The following ELAVL3 variants were observed in gnomAD, a reference collection of about 807,000 sequenced individuals.
ELAVL3 encodes the protein ELAV-like protein 3.
In ELAVL3, 8 loss-of-function variants were observed where a neutral mutation model predicts 34.2. The observed-to-expected ratio is 0.23, with a 90% CI of 0.14 to 0.42. The LOEUF (loss-of-function observed/expected upper bound fraction) is 0.42. Among genes scored for constraint, ELAVL3 ranks in the 10% least tolerant of loss-of-function variants. The pLI is 1.00. For missense variants in ELAVL3, 273 were observed against 518.8 expected, an observed-to-expected ratio of 0.53 and a Z score of 4.60; for synonymous variants, 209 against 222.1, an observed-to-expected ratio of 0.94 and a Z score of 0.53.
At chr19:11,455,060 G>A (rs911500839) in intron 6 of ELAVL3, among the ~76,000 whole-genome samples, 183 bp from the exon 7 acceptor site, 1 of 150,338 alleles carries the variant, frequency 6.7e-6, no homozygotes, top group Non-Finnish European at 1.5e-5. Context: ...GTGCAGTGGT[G>A]CAATCATGGC....
chr19:11,474,145 A>G (rs1305285281), intron 1 of ELAVL3, among the ~76,000 whole-genome samples: 2 of 151,932 alleles, frequency 1.3e-5, no homozygotes, highest in Non-Finnish European at 2.9e-5. Flanking sequence ...TGATTCTTAC[A>G]CCTCAGCCTC....
chr19:11,455,266 C>A (rs1329125716), intron 6 of ELAVL3, among the ~76,000 whole-genome samples: 1 of 150,920 alleles, frequency 6.6e-6, no homozygotes, highest in African/African-American at 2.4e-5. Context: ...TCCCAAGTAG[C>A]TGGGACTACA....
chr19:11,471,243 G>A (rs1971157043), intron 1 of ELAVL3, among the ~76,000 whole-genome samples: 1 of 151,750 alleles, frequency 6.6e-6, no homozygotes, highest in African/African-American at 2.4e-5. Context: ...CAGGGAGGTG[G>A]AGGTTGCAGT....
rs1599526449 is a variant in ELAVL3, at chr19:11,454,974, A to C, written c.753-97T>G. 1 of 1,355,526 alleles carries C rather than the reference A, an allele frequency of 7.4e-7. No homozygotes were observed. The highest frequency in any genetic ancestry group is 1.0e-6 in the Non-Finnish European group (1 of 1,000,898). 84.0% of individuals were successfully genotyped at this position (1,355,526 alleles called of 1,614,324 possible). On this transcript the variant is annotated intron_variant, in intron 6 of 6. Transcript: ENST00000359227. This position sits in a 1 kb window ranked among gnomAD's most constrained non-coding sequence, Gnocchi z 9.2. ...CTTTATGACCCCTGACTGTGCCATG[A>C]CCTTGGAATGGTGTGACCCCTGCAA... is the stretch of plus-strand genomic sequence containing the variant.
intron 3 of ELAVL3, among the ~76,000 whole-genome samples, chr19:11,462,695 C>T (rs755514008): frequency 4.0e-5 from 6 of 151,608 alleles, no homozygotes; most frequent in Admixed American, 2.0e-4. Context: ...CGGTGGCTCA[C>T]GCCTGTAATC....
chr19:11,466,489 G>C lies in ELAVL3; in HGVS notation c.229+119C>G, dbSNP rs569934043. On this transcript the variant is annotated intron_variant, in intron 2 of 6. Coordinates refer to ENST00000359227, the MANE Select transcript of ELAVL3 (RefSeq NM_001420.4). This position sits in a 1 kb window ranked among gnomAD's most constrained non-coding sequence, Gnocchi z 5.0. ...CTCCCCATCAGACCTCACATCCCTAGACCACCTCCTGCCTCGATTACCCCC... is the reference window on the plus strand; with the variant it reads ...CTCCCCATCAGACCTCACATCCCTACACCACCTCCTGCCTCGATTACCCCC... 2.2e-5 allele frequency: 27 copies of C among 1,236,064 alleles called. No homozygotes were observed. In the South Asian group the frequency reaches 3.1e-4, roughly 14 times the overall value. 76.6% of individuals were successfully genotyped at this position (1,236,064 alleles called of 1,614,324 possible).
chr19:11,460,684 G>C (rs1046040588), intron 3 of ELAVL3, among the ~76,000 whole-genome samples: 2 of 151,936 alleles, frequency 1.3e-5, no homozygotes, highest in African/African-American at 4.8e-5. Context: ...TTGGGTCTCA[G>C]TTGAAACATC....
intron 1 of ELAVL3, among the ~76,000 whole-genome samples, chr19:11,470,420 C>G (rs1270062377): frequency 1.3e-5 from 2 of 150,560 alleles, no homozygotes; most frequent in African/African-American, 4.9e-5. Context: ...AATCCTAGCA[C>G]TTTGGGAGGC....
chr19:11,451,393 CTG>C lies in ELAVL3; in HGVS notation c.*3131_*3132del, dbSNP rs1012668028. 1.3e-5 allele frequency: 2 copies of C among 149,684 alleles called. No homozygotes were observed. The highest frequency in any genetic ancestry group is 3.0e-5 in the Non-Finnish European group (2 of 67,774). 9.3% of individuals were successfully genotyped at this position (149,684 alleles called of 1,614,324 possible). ...TAATTAAACAATTCCATGTAAAAGT[CTG>C]TTACCGCGGCCAGGCCTGTGATCCC... On this transcript the variant is annotated 3_prime_UTR_variant, in exon 7 of 7. Transcript: ENST00000359227.
Position 11,466,483 on chromosome 19 carries a change from T to C in ELAVL3, c.229+125A>G. The C allele has an allele frequency of 8.4e-7, 1 of 1,188,928 alleles. No homozygotes were observed. Among genetic ancestry groups the C allele is most frequent in the Non-Finnish European group, 1.2e-6 (1 of 825,136 alleles). 73.6% of individuals were successfully genotyped at this position (1,188,928 alleles called of 1,614,324 possible). A position where few individuals can be genotyped will look rare whatever the true frequency, so the allele number is the denominator to read the frequency against. ...ACCCATCTCCCCATCAGACCTCACA[T>C]CCCTAGACCACCTCCTGCCTCGATT... On this transcript the variant is annotated intron_variant, in intron 2 of 6. Transcript: ENST00000359227. This position sits in a 1 kb window ranked among gnomAD's most constrained non-coding sequence, Gnocchi z 5.0.
intron 1 of ELAVL3, among the ~76,000 whole-genome samples, chr19:11,478,203 G>A (rs1438300883): frequency 6.6e-6 from 1 of 152,126 alleles, no homozygotes; most frequent in Non-Finnish European, 1.5e-5. Flanking sequence ...AAGAGTTACT[G>A]GCTGCCCCCC....
At position 11,462,067 on chromosome 19, in the gene ELAVL3, C is replaced by T. The variant is rs960514138; in HGVS notation, c.334-3456G>A. Among the ~76,000 whole-genome samples the T allele has an allele frequency of 6.1e-5, 9 of 147,606 alleles. No individual in the cohort carries two copies. The East Asian group carries it at 1.0e-3, about 17-fold the overall frequency. ...GCGGGTGCCTGTAATCCCAGCTACT[C>T]GGGAGGCTGAGGCAGGAGAATGGCG... On this transcript the variant is annotated intron_variant, in intron 3 of 6. Coordinates refer to ENST00000359227, the MANE Select transcript of ELAVL3 (RefSeq NM_001420.4).
At chr19:11,462,867 CAGG>C (rs368336718) in intron 3 of ELAVL3, among the ~76,000 whole-genome samples, 79 of 148,792 alleles carry the variant, frequency 5.3e-4, no homozygotes, top group African/African-American at 2.0e-3. Context: ...GAGGCTGAGG[CAGG>C]AGAATTGCTT....
intron 3 of ELAVL3, among the ~76,000 whole-genome samples, chr19:11,464,967 GACAC>G (rs1191791763): frequency 1.0e-4 from 5 of 49,768 alleles, no homozygotes; most frequent in Non-Finnish European, 1.1e-4. Context: ...ACACGCACCA[GACAC>G]ACACATACAC....
chr19:11,465,383 C>T (rs1184070469), intron 3 of ELAVL3, among the ~76,000 whole-genome samples: 1 of 151,032 alleles, frequency 6.6e-6, no homozygotes, highest in East Asian at 1.9e-4. Flanking sequence ...TACATACACA[C>T]ATACACACAC....
rs937845974 is a variant in ELAVL3 at position 11,480,480 on chromosome 19, C to T, written c.9+120G>A. The T allele has an allele frequency of 1.4e-5, 17 of 1,218,880 alleles. No homozygotes were observed. Among genetic ancestry groups the T allele is most frequent in the Middle Eastern group, 3.0e-4 (1 of 3,302 alleles). 75.5% of individuals were successfully genotyped at this position (1,218,880 alleles called of 1,614,324 possible). A position where few individuals can be genotyped will look rare whatever the true frequency, so the allele number is the denominator to read the frequency against. ...GGCCCCGAGGCTTGGTCCTACCCCCCCAACCCGGGCCTAGCTAGGCCTGGT... is the reference window on the plus strand; with the variant it reads ...GGCCCCGAGGCTTGGTCCTACCCCCTCAACCCGGGCCTAGCTAGGCCTGGT... On this transcript the variant is annotated intron_variant, in intron 1 of 6. Transcript: ENST00000359227. The surrounding 1 kb of genome is among the most constrained non-coding windows in gnomAD (Gnocchi z 6.8).
chr19:11,479,678 G>A (rs932863864), intron 1 of ELAVL3, among the ~76,000 whole-genome samples: 6 of 151,570 alleles, frequency 4.0e-5, no homozygotes, highest in African/African-American at 1.2e-4. Context: ...GGCGTGCCCG[G>A]GCGTGGCCAG....
chr19:11,476,228 C>T (rs1971260728), intron 1 of ELAVL3, among the ~76,000 whole-genome samples: 1 of 152,136 alleles, frequency 6.6e-6, no homozygotes, highest in Non-Finnish European at 1.5e-5. Flanking sequence ...TGCCGTTGAA[C>T]ATGATGAGAT....
Position 11,454,813 on chromosome 19 carries a change from C to T in ELAVL3, c.817G>A (p.Val273Met), listed in dbSNP as rs1185432149. ...CCCGCCGCGCCCCCCGACAGGCCCA[C>T]GCCCGCCAGGCCGCTCATACCATCG... ...AIDGMSGLAG[V>M]GLSGGAAGAG... Residue 273 changes from valine to methionine, a missense_variant, in exon 7 of 7, where the codon GTG (valine) becomes ATG (methionine). This residue lies in a region of ELAVL3 where 79 missense variants were observed against 108.2 expected (regional missense o/e 0.73). Transcript: ENST00000359227. The surrounding 1 kb of genome is among the most constrained non-coding windows in gnomAD (Gnocchi z 9.2). 6.2e-6 allele frequency: 10 copies of T among 1,611,078 alleles called. No individual in the cohort carries two copies. In the Admixed American group the frequency reaches 1.3e-4, roughly 21 times the overall value.
Sources: gnomAD v4.1 joint callset for allele counts (sites outside exome capture counted in the v4.1 genomes callset) on GRCh38, gnomAD v4.1.1 for gene constraint, gnomAD v4.1.1 regional missense constraint, Gnocchi (gnomAD v3.1) non-coding constraint, MANE v1.5 for transcripts, NCBI Gene and HGNC (gene_info 2026-07-23, HGNC 2026-07-21) for gene names.